The following ZNF385B variants were observed in gnomAD, a reference collection of about 807,000 sequenced individuals.
ZNF385B encodes the protein zinc finger protein 533.
ZNF385B carries 23 observed loss-of-function variants against 39.2 expected under a neutral mutation model. The observed-to-expected ratio is 0.59, with a 90% CI of 0.42 to 0.83. ZNF385B has a LOEUF of 0.83. Among genes scored for constraint, ZNF385B ranks in the 40% least tolerant of loss-of-function variants. The pLI, the probability that ZNF385B is intolerant of heterozygous loss-of-function variation, is 0.00. For synonymous variants in ZNF385B, 205 were observed against 222.6 expected (o/e 0.92, Z 0.70); for missense variants, 552 against 598.9 (o/e 0.92, Z 0.82).
chr2:179,570,863 G>A lies in ZNF385B; in HGVS notation c.299-25894C>T, dbSNP rs574759573. ...TCACAAGGGATTCTGTGATTCAAAC[G>A]GATTAAAAATGTCTGCATATGTTTC... On this transcript the variant is annotated intron_variant, in intron 3 of 9. Coordinates refer to ENST00000410066, the MANE Select transcript of ZNF385B (RefSeq NM_152520.6). 1.2e-3 allele frequency among the ~76,000 whole-genome samples: 176 copies of A among 152,194 alleles called. 2 individuals are homozygous for A. In the South Asian group the frequency reaches 0.019, roughly 16 times the overall value.
At chr2:179,655,242 A>G (rs1289272932) in intron 3 of ZNF385B, among the ~76,000 whole-genome samples, 10 of 152,168 alleles carry the variant, frequency 6.6e-5, no homozygotes, top group Admixed American at 6.6e-4. Flanking sequence ...ACACTTTGGC[A>G]TGGAGAATAC....
At chr2:179,498,273 A>G (rs1574462144) in intron 5 of ZNF385B, among the ~76,000 whole-genome samples, 1 of 151,582 alleles carries the variant, frequency 6.6e-6, no homozygotes, top group South Asian at 2.1e-4. Flanking sequence ...TCCTCAACAC[A>G]TGGCTCATTC....
At chr2:179,762,515 G>A (rs1359884669) in intron 3 of ZNF385B, among the ~76,000 whole-genome samples, 1 of 152,098 alleles carries the variant, frequency 6.6e-6, no homozygotes, top group Non-Finnish European at 1.5e-5. Flanking sequence ...TTTTTAAATG[G>A]TAAGCCAGTT....
At chr2:179,561,408 C>A (rs1199655932) in intron 3 of ZNF385B, among the ~76,000 whole-genome samples, 1 of 152,076 alleles carries the variant, frequency 6.6e-6, no homozygotes, top group African/African-American at 2.4e-5. Context: ...TGGCTTTAAC[C>A]TATTCATTTT....
chr2:179,559,772 G>C (rs2061204367), intron 3 of ZNF385B, among the ~76,000 whole-genome samples: 1 of 151,854 alleles, frequency 6.6e-6, no homozygotes, highest in African/African-American at 2.4e-5. Flanking sequence ...TGTGTGTGTG[G>C]TAAGAGTACC....
chr2:179,742,149 TAGA>T (rs1219634696), intron 3 of ZNF385B, among the ~76,000 whole-genome samples: 2 of 152,082 alleles, frequency 1.3e-5, no homozygotes, highest in African/African-American at 4.8e-5. Context: ...CTAGTAATTA[TAGA>T]AGGCTTTCAT....
chr2:179,703,459 T>C (rs1156755150), intron 3 of ZNF385B, among the ~76,000 whole-genome samples: 2 of 152,220 alleles, frequency 1.3e-5, no homozygotes, highest in Non-Finnish European at 2.9e-5. Context: ...AGTATATATG[T>C]CATTTATTTA....
At chr2:179,665,809 A>T (rs1447745122) in intron 3 of ZNF385B, among the ~76,000 whole-genome samples, 5 of 146,486 alleles carry the variant, frequency 3.4e-5, no homozygotes, top group Non-Finnish European at 5.9e-5. Flanking sequence ...TAGAAGTGCT[A>T]TCTTTTTTTT....
At chr2:179,583,937 C>T in intron 3 of ZNF385B, 3 of 1,304,068 alleles carry the variant, frequency 2.3e-6, no homozygotes, top group South Asian at 1.2e-5. Flanking sequence ...TCAAACCATC[C>T]ATCAACATAC....
chr2:179,452,612 T>C (rs887155683), intron 6 of ZNF385B, among the ~76,000 whole-genome samples: 3 of 152,176 alleles, frequency 2.0e-5, no homozygotes, highest in African/African-American at 7.2e-5. Flanking sequence ...TTGTAAGATT[T>C]GCTTTTGAGT....
rs542217757 is a variant in ZNF385B, at chr2:179,571,935, C to G, written c.299-26966G>C. Among the ~76,000 whole-genome samples the G allele has an allele frequency of 2.8e-4, 42 of 152,180 alleles. No individual in the cohort carries two copies. In the South Asian group the frequency reaches 8.5e-3, roughly 31 times the overall value. On this transcript the variant is annotated intron_variant, in intron 3 of 9. Coordinates refer to ENST00000410066, the MANE Select transcript of ZNF385B (RefSeq NM_152520.6). ...GTTCCTGGGATTCTGTAAGTTGATG[C>G]CCTAATGGCCCTCGGACTACTTCCA...
intron 1 of ZNF385B, among the ~76,000 whole-genome samples, chr2:179,797,036 T>C (rs936141911): frequency 6.6e-6 from 1 of 152,204 alleles, no homozygotes; most frequent in African/African-American, 2.4e-5. Flanking sequence ...CATTTTATTA[T>C]GAATGTACTT....
chr2:179,736,579 G>A (rs996373012), intron 3 of ZNF385B, among the ~76,000 whole-genome samples: 1 of 152,124 alleles, frequency 6.6e-6, no homozygotes, highest in Non-Finnish European at 1.5e-5. Flanking sequence ...TGATAATAAC[G>A]TTAACATCAT....
intron 3 of ZNF385B, among the ~76,000 whole-genome samples, chr2:179,736,401 C>T (rs575800847): frequency 6.6e-6 from 1 of 151,674 alleles, no homozygotes; most frequent in South Asian, 2.1e-4. Context: ...TGTTGTTGGT[C>T]CTCCCTCAAC....
chr2:179,758,693 C>A (rs112547098), intron 3 of ZNF385B, among the ~76,000 whole-genome samples: 2,158 of 152,298 alleles, frequency 0.014, 25 homozygotes, highest in Middle Eastern at 0.061. Context: ...AAAGCCTGGT[C>A]TAATCTCCTT....
rs527408914 is a variant in ZNF385B, at chr2:179,562,438, T to C, written c.299-17469A>G. 1.1e-5 allele frequency: 11 copies of C among 985,428 alleles called. No individual in the cohort carries two copies. In the African/African-American group the frequency reaches 1.6e-4, roughly 14 times the overall value. 61.0% of individuals were successfully genotyped at this position (985,428 alleles called of 1,614,324 possible). ...TTACAGTCCACGTTCACGTCTGCATTTGAGCACTGTACGAGATGTTACATT... is the reference window on the plus strand; with the variant it reads ...TTACAGTCCACGTTCACGTCTGCATCTGAGCACTGTACGAGATGTTACATT... On this transcript the variant is annotated intron_variant, in intron 3 of 9. Coordinates refer to ENST00000410066, the MANE Select transcript of ZNF385B (RefSeq NM_152520.6).
At chr2:179,744,615 T>G (rs1299882155) in intron 3 of ZNF385B, among the ~76,000 whole-genome samples, 1 of 152,064 alleles carries the variant, frequency 6.6e-6, no homozygotes, top group Non-Finnish European at 1.5e-5. Flanking sequence ...GAGCCTTCTA[T>G]CAAACAAATA....
At chr2:179,748,877 T>C (rs1702522807) in intron 3 of ZNF385B, among the ~76,000 whole-genome samples, 5 of 152,068 alleles carry the variant, frequency 3.3e-5, no homozygotes. Context: ...TGGGTGCCTT[T>C]TGGGGCCTAG....
At chr2:179,846,179 T>C (rs1312930945) in intron 1 of ZNF385B, among the ~76,000 whole-genome samples, 1 of 152,234 alleles carries the variant, frequency 6.6e-6, no homozygotes, top group South Asian at 2.1e-4. Context: ...TTCAGACCCA[T>C]AGTCTTATAA....
Sources: gnomAD v4.1 joint callset for allele counts (sites outside exome capture counted in the v4.1 genomes callset) on GRCh38, gnomAD v4.1.1 for gene constraint, MANE v1.5 for transcripts, NCBI Gene and HGNC (gene_info 2026-07-23, HGNC 2026-07-21) for gene names.